The following KIAA0930 variants were observed in gnomAD, a reference collection of about 807,000 sequenced individuals.
The protein encoded by KIAA0930 is KIAA0930.
KIAA0930 carries 24 observed loss-of-function variants against 43.9 expected under a neutral mutation model. The ratio of observed to expected loss-of-function variants is 0.55; its 90% confidence interval spans 0.40 to 0.77. The LOEUF is 0.77. Ranked by LOEUF, KIAA0930 falls within the 30% of genes least tolerant of loss-of-function variation. KIAA0930 has a pLI of 0.00. For synonymous variants in KIAA0930, 259 were observed against 216.4 expected (o/e 1.20, Z -1.73); for missense variants, 461 against 574.2 (o/e 0.80, Z 2.02).
In KIAA0930 at chr22:45,195,225, T is replaced by A. The variant is rs1314358060; in HGVS notation, c.*1951A>T. ...CAAGCCTCCGAGCTTGGCCAAATGC[T>A]GGCCCCAGAGGAGACAACCTTCTCC... On this transcript the variant is annotated 3_prime_UTR_variant, in exon 10 of 10. Coordinates refer to ENST00000336156, the MANE Select transcript of KIAA0930 (RefSeq NM_001009880.2). 3.3e-5 allele frequency: 5 copies of A among 152,174 alleles called. No homozygotes were observed. Among genetic ancestry groups the A allele is most frequent in the African/African-American group, 1.2e-4 (5 of 41,438 alleles). The allele number at this position is 152,174 out of a possible 1,614,324, so 9.4% of individuals were successfully genotyped here.
At chr22:45,200,154 G>A (rs2083574627) in intron 7 of KIAA0930, 119 bp from the exon 8 acceptor site, 13 of 1,046,098 alleles carry the variant, frequency 1.2e-5, no homozygotes, top group Non-Finnish European at 1.6e-5. Context: ...AGAGGCCGCT[G>A]GCCCAGGAGG....
At chr22:45,199,337 G>A (rs760741858) in intron 8 of KIAA0930, among the ~76,000 whole-genome samples, 6 of 152,162 alleles carry the variant, frequency 3.9e-5, no homozygotes, top group Admixed American at 1.3e-4. Flanking sequence ...ACAGACAACC[G>A]GAGTCCAGGG....
chr22:45,218,487 C>T (rs2083747683), intron 1 of KIAA0930, among the ~76,000 whole-genome samples: 1 of 151,728 alleles, frequency 6.6e-6, no homozygotes, highest in Admixed American at 6.6e-5. Flanking sequence ...CTCGGCCACC[C>T]TACAGTTTAT....
chr22:45,212,295 C>T, intron 1 of KIAA0930, 188 bp from the exon 2 acceptor site: 3 of 1,613,020 alleles, frequency 1.9e-6, no homozygotes, highest in Non-Finnish European at 2.5e-6. Context: ...CTGGAGGACA[C>T]CTCCCAGGAG....
intron 1 of KIAA0930, chr22:45,212,483 G>T: frequency 7.0e-7 from 1 of 1,437,630 alleles, no homozygotes; most frequent in South Asian, 1.5e-5. Context: ...TTGGCTGGGG[G>T]GGAGCCTTTG....
At chr22:45,218,774 T>C (rs547380393) in intron 1 of KIAA0930, among the ~76,000 whole-genome samples, 2 of 151,748 alleles carry the variant, frequency 1.3e-5, no homozygotes, top group African/African-American at 4.9e-5. Context: ...AACCCGGGGG[T>C]CACCTGGTGA....
intron 1 of KIAA0930, among the ~76,000 whole-genome samples, chr22:45,240,162 C>T (rs947528357): frequency 1.1e-4 from 16 of 152,178 alleles, no homozygotes; most frequent in Non-Finnish European, 5.9e-5. Flanking sequence ...ACAAAGGCTT[C>T]GGGTAGCAGG....
At chr22:45,207,509 A>C (rs2083649274) in intron 2 of KIAA0930, 1 of 149,946 alleles carries the variant, frequency 6.7e-6, no homozygotes, top group Non-Finnish European at 1.5e-5. Context: ...TTTTTAATAG[A>C]GACGGGGTTT....
Position 45,240,752 on chromosome 22 carries a change from G to A in KIAA0930, c.-49C>T, listed in dbSNP as rs1315462197. On this transcript the variant is annotated 5_prime_UTR_variant, in exon 1 of 10. Coordinates refer to ENST00000336156, the MANE Select transcript of KIAA0930 (RefSeq NM_001009880.2). ...CCTCGGCGCCGCCCGCAGGCTCGGG[G>A]GCGGCGGCGGCGGGGAGGGCGGGCG... 2.0e-4 allele frequency: 190 copies of A among 958,722 alleles called. No homozygotes were observed. The highest frequency in any genetic ancestry group is 2.4e-4 in the Non-Finnish European group (186 of 783,492). 59.4% of individuals were successfully genotyped at this position (958,722 alleles called of 1,614,324 possible). A position where few individuals can be genotyped will look rare whatever the true frequency, so the allele number is the denominator to read the frequency against.
At chr22:45,230,717 G>C (rs941236917) in intron 1 of KIAA0930, among the ~76,000 whole-genome samples, 4 of 151,826 alleles carry the variant, frequency 2.6e-5, no homozygotes, top group African/African-American at 9.7e-5. Flanking sequence ...GAGTAGCTGG[G>C]ATTACAGGCA....
intron 6 of KIAA0930, among the ~76,000 whole-genome samples, chr22:45,203,401 C>G (rs1473214908): frequency 2.0e-5 from 3 of 152,318 alleles, no homozygotes; most frequent in East Asian, 3.9e-4. Flanking sequence ...AACCACGGAC[C>G]AGGCTGAGGA....
rs749058034 is a variant in KIAA0930, at chr22:45,199,868, G to A, written c.1015+5C>T. 16 of 1,563,560 alleles carry A rather than the reference G, an allele frequency of 1.0e-5. No individual in the cohort carries two copies. Among genetic ancestry groups the A allele is most frequent in the Non-Finnish European group, 1.3e-5 (15 of 1,148,796 alleles). On this transcript the variant is annotated splice_donor_5th_base_variant and intron_variant, in intron 8 of 9. Coordinates refer to ENST00000336156, the MANE Select transcript of KIAA0930 (RefSeq NM_001009880.2). ...GGGACCCTAGGGCACGGAGTGGGGG[G>A]TCACCTCCACCGTCGTCCTCCCGGA...
Position 45,192,323 on chromosome 22 carries a change from C to G in KIAA0930, c.*4853G>C, listed in dbSNP as rs933161938. ...TGAAATCATAAAGCAAAGCTAACAG[C>G]CAACCAACAAATACCGCCTAGCAAT... On this transcript the variant is annotated 3_prime_UTR_variant, in exon 10 of 10. Transcript: ENST00000336156. 2.0e-5 allele frequency: 3 copies of G among 152,158 alleles called. No individual in the cohort carries two copies. Among genetic ancestry groups the G allele is most frequent in the African/African-American group, 7.2e-5 (3 of 41,424 alleles). The allele number at this position is 152,158 out of a possible 1,614,324, so 9.4% of individuals were successfully genotyped here. A position where few individuals can be genotyped will look rare whatever the true frequency, so the allele number is the denominator to read the frequency against.
intron 1 of KIAA0930, among the ~76,000 whole-genome samples, chr22:45,221,106 C>G (rs991114350): frequency 5.9e-5 from 9 of 152,224 alleles, no homozygotes; most frequent in African/African-American, 2.2e-4. Context: ...CCTTCTCAGA[C>G]AGGCCTTCTC....
chr22:45,212,295 C>A (rs766971387), intron 1 of KIAA0930, 188 bp from the exon 2 acceptor site: 21 of 1,612,902 alleles, frequency 1.3e-5, no homozygotes, highest in Non-Finnish European at 1.7e-5. Flanking sequence ...CTGGAGGACA[C>A]CTCCCAGGAG....
intron 1 of KIAA0930, chr22:45,212,372 C>G (rs2083702820): frequency 6.3e-7 from 1 of 1,594,380 alleles, no homozygotes; most frequent in African/African-American, 1.3e-5. Flanking sequence ...GAGCCTGACT[C>G]CAGCCTGGGG....
At chr22:45,213,292 A>T (rs2083710622) in intron 1 of KIAA0930, 13 of 1,300,594 alleles carry the variant, frequency 1.0e-5, no homozygotes, top group African/African-American at 1.5e-5. Context: ...CTCTGCCCTC[A>T]GCCCTCTGCC....
At chr22:45,214,457 G>T (rs912477740) in intron 1 of KIAA0930, among the ~76,000 whole-genome samples, 1 of 152,222 alleles carries the variant, frequency 6.6e-6, no homozygotes, top group South Asian at 2.1e-4. Context: ...CAGAGCAAAA[G>T]AAGTCAGGCG....
chr22:45,217,368 A>AG (rs2083740462), intron 1 of KIAA0930, among the ~76,000 whole-genome samples: 2 of 142,204 alleles, frequency 1.4e-5, no homozygotes, highest in Admixed American at 1.4e-4. Flanking sequence ...CTCAAAAAAA[A>AG]AAAAAAAAAA....
Sources: allele counts gnomAD v4.1 joint callset (sites outside exome capture counted in the v4.1 genomes callset), GRCh38; gene constraint gnomAD v4.1.1; transcripts MANE v1.5; gene names NCBI Gene and HGNC (gene_info 2026-07-23, HGNC 2026-07-21).